RBFOX1: variants seen among roughly 807,000 people sequenced by gnomAD.
RBFOX1 encodes RNA binding fox-1 homolog 1.
Under a neutral mutation model 57.7 loss-of-function variants are expected in RBFOX1, and 8 were observed. That is an observed-to-expected ratio of 0.14 (90% confidence interval 0.08 to 0.25). The LOEUF is 0.25. Ranked by LOEUF, RBFOX1 falls within the 10% of genes least tolerant of loss-of-function variation. The pLI is 1.00. For synonymous variants in RBFOX1, 326 were observed against 222.4 expected (o/e 1.47, Z -4.15); for missense variants, 611 against 548.5 (o/e 1.11, Z -1.14).
intron 1 of RBFOX1, among the ~76,000 whole-genome samples, chr16:5,410,728 A>C (rs2066998108): frequency 6.6e-6 from 1 of 152,194 alleles, no homozygotes; most frequent in Non-Finnish European, 1.5e-5. Flanking sequence ...CCTGCCTCTG[A>C]GCCACTGCTC....
At chr16:7,139,188 G>GTGTGTGTGTGTA (rs1229549027) in intron 4 of RBFOX1, among the ~76,000 whole-genome samples, 40 of 130,668 alleles carry the variant, frequency 3.1e-4, no homozygotes, top group African/African-American at 1.2e-3. Flanking sequence ...GTGTGTGTGT[G>GTGTGTGTGTGTA]TGTGTGTGTA....
chr16:5,942,290 G>C (rs1225331078), intron 4 of RBFOX1, among the ~76,000 whole-genome samples: 4 of 152,128 alleles, frequency 2.6e-5, no homozygotes, highest in Admixed American at 2.6e-4. Context: ...GGAAATGGGT[G>C]CTGCTTATTG....
Position 6,510,680 on chromosome 16 carries a change from A to G in RBFOX1, c.-63-143923A>G, listed in dbSNP as rs570785831. On this transcript the variant is annotated intron_variant, in intron 2 of 15. Coordinates refer to ENST00000550418, the MANE Select transcript of RBFOX1 (RefSeq NM_018723.4). ...TCCCACAAACACAGTTGGTTACTCT[A>G]CTGGGCAATGAAGTTTAAAGGTTGG... Among the ~76,000 whole-genome samples the G allele has an allele frequency of 2.0e-5, 3 of 152,226 alleles. No homozygotes were observed. In the South Asian group the frequency reaches 6.2e-4, roughly 32 times the overall value.
At chr16:5,291,445 A>C (rs370033304) in intron 1 of RBFOX1, among the ~76,000 whole-genome samples, 1 of 152,038 alleles carries the variant, frequency 6.6e-6, no homozygotes, top group Non-Finnish European at 1.5e-5. Context: ...TTGTATTTTT[A>C]GTGGAGACGG....
chr16:6,328,301 G>C (rs2082607063), intron 2 of RBFOX1, among the ~76,000 whole-genome samples: 2 of 152,088 alleles, frequency 1.3e-5, no homozygotes, highest in African/African-American at 4.8e-5. Context: ...GGGGGATGAA[G>C]GATAAAAGAC....
chr16:6,118,757 C>A (rs2096525682), intron 1 of RBFOX1, among the ~76,000 whole-genome samples: 1 of 148,628 alleles, frequency 6.7e-6, no homozygotes, highest in Non-Finnish European at 1.5e-5. Context: ...TTCCTTCCTT[C>A]TCTCTTTCTC....
At chr16:6,800,388 C>G (rs199964237) in intron 3 of RBFOX1, among the ~76,000 whole-genome samples, 1 of 152,094 alleles carries the variant, frequency 6.6e-6, no homozygotes, top group African/African-American at 2.4e-5. Context: ...GTTTCCTACT[C>G]TAGGATAGTG....
chr16:7,021,505 A>T (rs1568404597), intron 3 of RBFOX1, among the ~76,000 whole-genome samples: 1 of 145,270 alleles, frequency 6.9e-6, no homozygotes, highest in African/African-American at 2.5e-5. Context: ...ATTTTATATA[A>T]ATATTATATT....
Position 5,792,746 on chromosome 16 carries a change from G to A in RBFOX1, c.319-74557G>A, listed in dbSNP as rs557911224. Among the ~76,000 whole-genome samples, 27 of 152,296 alleles carry A rather than the reference G, an allele frequency of 1.8e-4. No homozygotes were observed. The South Asian group carries it at 5.0e-3, about 28-fold the overall frequency. The stretch of plus-strand genomic sequence containing the variant: ...TCATCCCAGCTACTCAGGAGGCTGA[G>A]GCAGGAGAATCACTTGCACCCTGGA... On this transcript the variant is annotated intron_variant, in intron 3 of 19. Coordinates refer to the RBFOX1 transcript ENST00000641259.
chr16:6,806,573 G>A (rs1014158908), intron 3 of RBFOX1, among the ~76,000 whole-genome samples: 22 of 151,786 alleles, frequency 1.4e-4, no homozygotes, highest in African/African-American at 4.6e-4. Flanking sequence ...ATTTTAAAGA[G>A]CCTGAACTAG....
At chr16:6,659,575 C>G (rs557617307) in intron 3 of RBFOX1, among the ~76,000 whole-genome samples, 1 of 152,256 alleles carries the variant, frequency 6.6e-6, no homozygotes, top group South Asian at 2.1e-4. Flanking sequence ...ATTTAAGTGA[C>G]TTGCCTGAGA....
intron 2 of RBFOX1, among the ~76,000 whole-genome samples, chr16:5,510,563 C>G (rs912663072): frequency 1.3e-5 from 2 of 152,072 alleles, no homozygotes; most frequent in Non-Finnish European, 2.9e-5. Context: ...GAGCACCCTT[C>G]CTGGAATGAT....
intron 4 of RBFOX1, among the ~76,000 whole-genome samples, chr16:7,415,649 C>T (rs578201647): frequency 2.0e-5 from 3 of 152,234 alleles, no homozygotes; most frequent in African/African-American, 7.2e-5. Flanking sequence ...ATTCTCTGTT[C>T]TCTCTCTTAA....
At chr16:7,160,575 G>T (rs1289538583) in intron 4 of RBFOX1, among the ~76,000 whole-genome samples, 3 of 152,238 alleles carry the variant, frequency 2.0e-5, no homozygotes, top group African/African-American at 7.2e-5. Context: ...ATTACCTGCA[G>T]TTAGCTGAAA....
chr16:5,930,648 A>G (rs1460157207), intron 4 of RBFOX1, among the ~76,000 whole-genome samples: 1 of 22,300 alleles, frequency 4.5e-5, no homozygotes, highest in Non-Finnish European at 8.2e-5. Context: ...ATGGTTGGGT[A>G]GGTGGGAGGG....
rs569106343 is a variant in RBFOX1, at chr16:7,244,775, G to A, written c.27+192677G>A. Among the ~76,000 whole-genome samples the A allele has an allele frequency of 1.4e-3, 213 of 152,322 alleles. 1 individual carries two copies. Among genetic ancestry groups the A allele is most frequent in the Non-Finnish European group, 2.7e-3 (185 of 68,022 alleles). ...CAGGACCTGGGAGGTCATCACACTC[G>A]AAGGAGGCAGGCTGGGTCATCAGAC... On this transcript the variant is annotated intron_variant, in intron 4 of 15. Coordinates refer to ENST00000550418, the MANE Select transcript of RBFOX1 (RefSeq NM_018723.4).
chr16:7,446,066 C>T (rs1408433671), intron 4 of RBFOX1, among the ~76,000 whole-genome samples: 1 of 152,216 alleles, frequency 6.6e-6, no homozygotes, highest in African/African-American at 2.4e-5. Context: ...CCTGCTACTC[C>T]ATCTTGTCTG....
At chr16:6,831,676 C>T (rs915393459) in intron 3 of RBFOX1, among the ~76,000 whole-genome samples, 2 of 152,116 alleles carry the variant, frequency 1.3e-5, no homozygotes, top group East Asian at 1.9e-4. Flanking sequence ...TGATAACTTG[C>T]AACCAGTTCT....
chr16:7,354,740 A>C (rs1268990886), intron 4 of RBFOX1, among the ~76,000 whole-genome samples: 1 of 152,154 alleles, frequency 6.6e-6, no homozygotes, highest in East Asian at 1.9e-4. Context: ...TCTCTATTTA[A>C]ATTTAATTAA....
Sources: allele counts gnomAD v4.1 joint callset (sites outside exome capture counted in the v4.1 genomes callset), GRCh38; gene constraint gnomAD v4.1.1; transcripts MANE v1.5; gene names NCBI Gene and HGNC (gene_info 2026-07-23, HGNC 2026-07-21).